The following TMEM232 variants were observed in gnomAD, a reference collection of about 807,000 sequenced individuals.
TMEM232 encodes the protein transmembrane protein 232.
Under a neutral mutation model 78.8 loss-of-function variants are expected in TMEM232, and 80 were observed. The observed-to-expected ratio is 1.01, with a 90% CI of 0.85 to 1.22. TMEM232 has a LOEUF of 1.22. Ranked by LOEUF, TMEM232 falls within the 50% of genes most tolerant of loss-of-function variation. TMEM232 has a pLI of 0.00. For missense variants in TMEM232, 881 were observed against 742.2 expected, an observed-to-expected ratio of 1.19 and a Z score of -2.17; for synonymous variants, 297 against 254.3, an observed-to-expected ratio of 1.17 and a Z score of -1.60.
At chr5:110,460,854 G>A (rs1306605898) in intron 12 of TMEM232, among the ~76,000 whole-genome samples, 1 of 151,972 alleles carries the variant, frequency 6.6e-6, no homozygotes, top group African/African-American at 2.4e-5. Context: ...GATCTTTGAT[G>A]TAACTATTGT....
At chr5:110,610,945 C>A (rs1782196951) in intron 8 of TMEM232, among the ~76,000 whole-genome samples, 1 of 151,980 alleles carries the variant, frequency 6.6e-6, no homozygotes, top group African/African-American at 2.4e-5. Context: ...GAAATTTATT[C>A]AAGCTAAGAA....
intron 12 of TMEM232, among the ~76,000 whole-genome samples, chr5:110,505,022 C>T (rs1421084127): frequency 2.0e-5 from 3 of 152,174 alleles, no homozygotes; most frequent in African/African-American, 7.2e-5. Context: ...CTTCTTTCCT[C>T]CCAGGAGTGT....
upstream of TMEM232, among the ~76,000 whole-genome samples, chr5:110,730,805 G>A (rs546779143): frequency 6.6e-6 from 1 of 152,224 alleles, no homozygotes; most frequent in Admixed American, 6.5e-5. Flanking sequence ...TAAGATTTGG[G>A]TGGAGACACA....
At chr5:110,731,197 G>A (rs971234310), upstream of TMEM232, among the ~76,000 whole-genome samples, 3 of 152,208 alleles carry the variant, frequency 2.0e-5, no homozygotes, top group Admixed American at 6.5e-5. Context: ...CATGGTCTTC[G>A]GCAGCTCCAC....
At chr5:110,469,545 T>C (rs889394356) in intron 12 of TMEM232, among the ~76,000 whole-genome samples, 1 of 152,178 alleles carries the variant, frequency 6.6e-6, no homozygotes, top group Non-Finnish European at 1.5e-5. Flanking sequence ...CTCTGAACCA[T>C]GGAACCTGAG....
intron 3 of TMEM232, among the ~76,000 whole-genome samples, chr5:110,392,195 C>G (rs1257835855): frequency 1.3e-5 from 2 of 152,252 alleles, no homozygotes; most frequent in Middle Eastern, 3.4e-3. Flanking sequence ...CAATTTGGTG[C>G]CTTAATTGCT....
intron 12 of TMEM232, among the ~76,000 whole-genome samples, chr5:110,511,444 T>TA (rs888646524): frequency 2.0e-4 from 29 of 146,064 alleles, no homozygotes; most frequent in African/African-American, 6.8e-4. Context: ...AAGTATAATT[T>TA]AAAAAAAAAA....
chr5:110,427,329 T>G (rs1757347481), intron 12 of TMEM232, among the ~76,000 whole-genome samples: 3 of 151,940 alleles, frequency 2.0e-5, no homozygotes, highest in Admixed American at 2.0e-4. Context: ...AATCAAACAT[T>G]AAACAAGTTT....
chr5:110,421,972 C>T (rs749617736), intron 13 of TMEM232, among the ~76,000 whole-genome samples: 6 of 152,108 alleles, frequency 3.9e-5, no homozygotes, highest in Non-Finnish European at 8.8e-5. Flanking sequence ...ACCAGTTTTG[C>T]ATAAAATGTA....
At chr5:110,548,845 T>G (rs1272921747) in intron 11 of TMEM232, among the ~76,000 whole-genome samples, 1 of 152,086 alleles carries the variant, frequency 6.6e-6, no homozygotes, top group Non-Finnish European at 1.5e-5. Flanking sequence ...AGAGATCTGT[T>G]GTAGTTATAT....
chr5:110,412,729 GGAAA>G (rs1304455176), intron 2 of TMEM232, among the ~76,000 whole-genome samples: 5 of 151,948 alleles, frequency 3.3e-5, no homozygotes, highest in Non-Finnish European at 7.4e-5. Flanking sequence ...TGTTTCAAAT[GGAAA>G]GATACTAGGA....
intron 12 of TMEM232, among the ~76,000 whole-genome samples, chr5:110,519,127 A>G (rs1245112654): frequency 1.3e-5 from 2 of 152,192 alleles, no homozygotes; most frequent in Non-Finnish European, 2.9e-5. Flanking sequence ...AAATGGGATG[A>G]AATAAATAAT....
At position 110,625,484 on chromosome 5, in the gene TMEM232, T is replaced by G. The variant is rs569110429; in HGVS notation, c.602-51A>C. On this transcript the variant is annotated intron_variant, in intron 6 of 13. Coordinates refer to ENST00000455884, the MANE Select transcript of TMEM232 (RefSeq NM_001039763.4). ...GAAATAATTTATTAATATTTTGCACTGTGTTTCATTTGTCTTTTAGCTATT... is the reference window on the plus strand; with the variant it reads ...GAAATAATTTATTAATATTTTGCACGGTGTTTCATTTGTCTTTTAGCTATT... 3 of 1,413,884 alleles carry G rather than the reference T, an allele frequency of 2.1e-6. No individual in the cohort carries two copies. The East Asian group carries it at 7.8e-5, about 37-fold the overall frequency. 87.6% of individuals were successfully genotyped at this position (1,413,884 alleles called of 1,614,324 possible).
At chr5:110,678,782 T>C (rs992695464) in intron 1 of TMEM232, among the ~76,000 whole-genome samples, 1 of 152,194 alleles carries the variant, frequency 6.6e-6, no homozygotes, top group Admixed American at 6.5e-5. Context: ...AAACACTATG[T>C]AGCCTTTTCA....
At chr5:110,629,296 G>A (rs1254837811) in intron 5 of TMEM232, among the ~76,000 whole-genome samples, 2 of 151,952 alleles carry the variant, frequency 1.3e-5, no homozygotes, top group Non-Finnish European at 2.9e-5. Flanking sequence ...TACATGACAA[G>A]CATGTCAGCA....
intron 1 of TMEM232, among the ~76,000 whole-genome samples, chr5:110,686,321 G>C (rs1793398565): frequency 6.6e-6 from 1 of 152,008 alleles, no homozygotes; most frequent in African/African-American, 2.4e-5. Flanking sequence ...ACCATGCTAT[G>C]AGAAGGCAAT....
chr5:110,494,136 G>A (rs1458685493), intron 12 of TMEM232, among the ~76,000 whole-genome samples: 2 of 151,968 alleles, frequency 1.3e-5, no homozygotes, highest in Admixed American at 6.6e-5. Context: ...TGGTATATAC[G>A]TGCTACATTT....
At chr5:110,588,189 C>G (rs1329364487) in intron 10 of TMEM232, among the ~76,000 whole-genome samples, 1 of 152,086 alleles carries the variant, frequency 6.6e-6, no homozygotes, top group Non-Finnish European at 1.5e-5. Context: ...ATGAAACATA[C>G]AAAGCTATTT....
rs1777950069 is a variant in TMEM232, at chr5:110,579,662, T to C, written c.1277-11037A>G. 2.6e-5 allele frequency among the ~76,000 whole-genome samples: 4 copies of C among 150,958 alleles called. No individual in the cohort carries two copies. In the Admixed American group the frequency reaches 2.7e-4, roughly 10 times the overall value. On this transcript the variant is annotated intron_variant, in intron 10 of 13. Transcript: ENST00000455884. ...AGACCCATATTAATCTCAAAGGAAA[T>C]ACCTACAGAAGTTACACGAAAGAAA...
Sources: allele counts gnomAD v4.1 joint callset (sites outside exome capture counted in the v4.1 genomes callset), GRCh38; gene constraint gnomAD v4.1.1; transcripts MANE v1.5; gene names NCBI Gene and HGNC (gene_info 2026-07-23, HGNC 2026-07-21).